Variants in ZBTB44 observed in about 807,000 individuals in gnomAD.
The protein encoded by ZBTB44 is zinc finger and BTB domain containing 44.
Under a neutral mutation model 54.0 loss-of-function variants are expected in ZBTB44, and 15 were observed. The ratio of observed to expected loss-of-function variants is 0.28; its 90% CI spans 0.19 to 0.43. The LOEUF (loss-of-function observed/expected upper bound fraction) is 0.43, where lower values mean the gene tolerates loss of function less well. ZBTB44 is among the 20% of genes least tolerant of loss of function. The probability of loss-of-function intolerance (pLI) is 1.00; values close to 1 mark genes in which losing one functional copy is unlikely to be tolerated. For synonymous variants in ZBTB44, 230 were observed against 250.1 expected (o/e 0.92, Z 0.76); for missense variants, 487 against 707.1 (o/e 0.69, Z 3.53).
intron 1 of ZBTB44, among the ~76,000 whole-genome samples, chr11:130,272,320 T>C (rs924920323): frequency 1.3e-5 from 2 of 152,254 alleles, no homozygotes; most frequent in Admixed American, 1.3e-4. Flanking sequence ...TCCTAGTGGA[T>C]GTGAAGTGGT....
intron 3 of ZBTB44, 98 bp downstream of exon 3, chr11:130,239,714 G>A: frequency 1.1e-6 from 1 of 932,056 alleles, no homozygotes. Flanking sequence ...CTGAAGTGAG[G>A]TTGTAATAAA....
At chr11:130,284,159 T>C (rs759948182) in intron 1 of ZBTB44, among the ~76,000 whole-genome samples, 15 of 151,810 alleles carry the variant, frequency 9.9e-5, no homozygotes, top group Admixed American at 2.6e-4. Context: ...AGCAAACAGG[T>C]AGGTAAATTT....
chr11:130,292,175 A>T (rs1941341854), intron 1 of ZBTB44, among the ~76,000 whole-genome samples: 3 of 152,182 alleles, frequency 2.0e-5, no homozygotes, highest in African/African-American at 7.2e-5. Context: ...TTGTTGATAG[A>T]CTTGAGTTGT....
rs1174775812 is a variant in ZBTB44, at chr11:130,309,563, T to C, written c.-57+4812A>G. On this transcript the variant is annotated intron_variant, in intron 1 of 7. Transcript: ENST00000357899. ...TGCCTTTTTATCTGTACATAGCATA[T>C]TTATGCCAGTTTTGTTGTAGATGGA... 2.0e-5 allele frequency among the ~76,000 whole-genome samples: 3 copies of C among 152,170 alleles called. No individual in the cohort carries two copies. The East Asian group carries it at 5.8e-4, about 29-fold the overall frequency.
At chr11:130,289,931 CT>C (rs1480355337) in intron 1 of ZBTB44, among the ~76,000 whole-genome samples, 4 of 152,192 alleles carry the variant, frequency 2.6e-5, no homozygotes, top group Non-Finnish European at 2.9e-5. Context: ...ATGCATTCTT[CT>C]TTTTCAAGTA....
intron 5 of ZBTB44, among the ~76,000 whole-genome samples, 184 bp from the exon 6 acceptor site, chr11:130,234,457 A>AT (rs1218967516): frequency 6.6e-6 from 1 of 152,188 alleles, no homozygotes; most frequent in African/African-American, 2.4e-5. Flanking sequence ...CAAAACATCC[A>AT]TTAAAACCAA....
At chr11:130,307,042 T>C (rs1942304894) in intron 1 of ZBTB44, among the ~76,000 whole-genome samples, 1 of 140,040 alleles carries the variant, frequency 7.1e-6, no homozygotes, top group Non-Finnish European at 1.5e-5. Flanking sequence ...ACTATCAACA[T>C]TCAAAAAAAA....
chr11:130,269,375 A>C (rs1349188766), intron 1 of ZBTB44, among the ~76,000 whole-genome samples: 1 of 152,184 alleles, frequency 6.6e-6, no homozygotes, highest in Non-Finnish European at 1.5e-5. Context: ...AGGTCATTTA[A>C]AATTCTTGAG....
At chr11:130,299,155 T>G (rs1941850752) in intron 1 of ZBTB44, among the ~76,000 whole-genome samples, 1 of 152,110 alleles carries the variant, frequency 6.6e-6, no homozygotes, top group Non-Finnish European at 1.5e-5. Context: ...ATATACATTC[T>G]TTTCAAGTGC....
chr11:130,307,099 C>T (rs541324616), intron 1 of ZBTB44, among the ~76,000 whole-genome samples: 1 of 149,968 alleles, frequency 6.7e-6, no homozygotes, highest in Non-Finnish European at 1.5e-5. Context: ...TAGTTGAATA[C>T]CTGAATAGCC....
chr11:130,273,717 A>G lies in ZBTB44; in HGVS notation c.-56-11788T>C, dbSNP rs189104221. Among the ~76,000 whole-genome samples the G allele has an allele frequency of 3.7e-4, 57 of 152,272 alleles. No individual in the cohort carries two copies. In the East Asian group the frequency reaches 0.01, roughly 27 times the overall value. ...CTTGCTCAACTTGTTTATTAGTCCT[A>G]TACTTTTTAAATGAATTCCTTACGA... On this transcript the variant is annotated intron_variant, in intron 1 of 7. Coordinates refer to ENST00000357899, the MANE Select transcript of ZBTB44 (RefSeq NM_001301098.2).
At chr11:130,304,316 T>C (rs888123759) in intron 1 of ZBTB44, among the ~76,000 whole-genome samples, 1 of 152,048 alleles carries the variant, frequency 6.6e-6, no homozygotes, top group African/African-American at 2.4e-5. Flanking sequence ...TTATATAGAG[T>C]GTATTCAATA....
At chr11:130,247,701 G>A (rs1937639198) in intron 2 of ZBTB44, among the ~76,000 whole-genome samples, 1 of 152,164 alleles carries the variant, frequency 6.6e-6, no homozygotes, top group African/African-American at 2.4e-5. Flanking sequence ...GTATAACACA[G>A]ATGAACTGTG....
At chr11:130,265,887 A>C (rs942036131) in intron 1 of ZBTB44, among the ~76,000 whole-genome samples, 2 of 152,264 alleles carry the variant, frequency 1.3e-5, no homozygotes, top group Admixed American at 1.3e-4. Flanking sequence ...ATAACATAAA[A>C]GTGCAAGGTG....
intron 2 of ZBTB44, among the ~76,000 whole-genome samples, chr11:130,250,722 TAACATC>T (rs888732642): frequency 6.6e-5 from 10 of 151,768 alleles, no homozygotes; most frequent in South Asian, 2.1e-4. Context: ...CAAAAAGCAA[TAACATC>T]AACATCAACA....
chr11:130,270,980 C>T (rs900980424), intron 1 of ZBTB44, among the ~76,000 whole-genome samples: 1 of 152,062 alleles, frequency 6.6e-6, no homozygotes, highest in Admixed American at 6.6e-5. Context: ...AAAGAATGTA[C>T]GGGGACGAAG....
chr11:130,260,010 A>G (rs1190221845), intron 2 of ZBTB44, among the ~76,000 whole-genome samples: 2 of 151,834 alleles, frequency 1.3e-5, no homozygotes, highest in African/African-American at 4.9e-5. Flanking sequence ...TCAATCTAAA[A>G]AGATAAATAA....
At chr11:130,244,667 GAAAA>G (rs11360161) in intron 2 of ZBTB44, among the ~76,000 whole-genome samples, 4 of 104,790 alleles carry the variant, frequency 3.8e-5, no homozygotes, top group Admixed American at 9.6e-5. Context: ...ACTCTGTCTG[GAAAA>G]AAAAAAAAAA....
intron 1 of ZBTB44, among the ~76,000 whole-genome samples, chr11:130,303,320 G>C (rs1337826652): frequency 6.6e-6 from 1 of 152,108 alleles, no homozygotes; most frequent in Non-Finnish European, 1.5e-5. Context: ...CAAATCAATA[G>C]CAAATCACTT....
Sources: allele counts gnomAD v4.1 joint callset (sites outside exome capture counted in the v4.1 genomes callset), GRCh38; gene constraint gnomAD v4.1.1; transcripts MANE v1.5; gene names NCBI Gene and HGNC (gene_info 2026-07-23, HGNC 2026-07-21).